PRKCE: variants seen among roughly 807,000 people sequenced by gnomAD.
The protein encoded by PRKCE is protein kinase C epsilon.
PRKCE carries 16 observed loss-of-function variants against 85.4 expected under a neutral mutation model. The observed-to-expected ratio is 0.19, with a 90% confidence interval of 0.13 to 0.28. The LOEUF (loss-of-function observed/expected upper bound fraction) is 0.28. Ranked by LOEUF, PRKCE falls within the 10% of genes least tolerant of loss-of-function variation. The probability of loss-of-function intolerance (pLI) is 1.00; values close to 1 mark genes in which losing one functional copy is unlikely to be tolerated. For synonymous variants in PRKCE, 388 were observed against 371.5 expected (o/e 1.04, Z -0.51); for missense variants, 573 against 975.2 (o/e 0.59, Z 5.49).
Position 45,814,744 on chromosome 2 carries a change from G to A in PRKCE, c.349-28256G>A, listed in dbSNP as rs150256128. On this transcript the variant is annotated intron_variant, in intron 1 of 14. Coordinates refer to ENST00000306156, the MANE Select transcript of PRKCE (RefSeq NM_005400.3). ...TGCCAAGAATATTTGGTGCAACAGA[G>A]TTGCTGACATGTCCTAGCTCTGGAC... Among the ~76,000 whole-genome samples the A allele has an allele frequency of 2.0e-3, 303 of 152,308 alleles. 4 individuals carry two copies. Among genetic ancestry groups the A allele is most frequent in the South Asian group, 9.3e-3 (45 of 4,826 alleles).
chr2:45,848,387 T>G (rs558340736), intron 2 of PRKCE, among the ~76,000 whole-genome samples: 2 of 152,334 alleles, frequency 1.3e-5, no homozygotes, highest in South Asian at 4.1e-4. Flanking sequence ...CTCGGCTTAC[T>G]GCAACCTTTG....
intron 11 of PRKCE, among the ~76,000 whole-genome samples, chr2:46,118,528 A>G (rs957839418): frequency 6.6e-6 from 1 of 152,240 alleles, no homozygotes; most frequent in African/African-American, 2.4e-5. Context: ...CAGACACAAT[A>G]TACTCTTCAT....
intron 14 of PRKCE, among the ~76,000 whole-genome samples, chr2:46,169,917 C>G (rs1678725218): frequency 6.6e-6 from 1 of 152,146 alleles, no homozygotes. Context: ...GGTGCTAGTC[C>G]CCACTGTTAC....
At position 46,041,027 on chromosome 2, in the gene PRKCE, T is replaced by A. The variant is rs1708187944; in HGVS notation, c.1437+30510T>A. 6.6e-6 allele frequency among the ~76,000 whole-genome samples: 1 copy of A among 152,224 alleles called. No individual in the cohort carries two copies. The highest frequency in any genetic ancestry group is 2.1e-4 in the South Asian group (1 of 4,824). On this transcript the variant is annotated intron_variant, in intron 10 of 14. Coordinates refer to ENST00000306156, the MANE Select transcript of PRKCE (RefSeq NM_005400.3). This position sits in a 1 kb window ranked among gnomAD's most constrained non-coding sequence, Gnocchi z 5.5. ...ATTTCCAGCATTCAAAATAAATCAT[T>A]CCGTTTGCCTGTCATATTCTGACTT...
Position 46,135,016 on chromosome 2 carries a change from C to T in PRKCE, c.1593-10077C>T, listed in dbSNP as rs1674818184. On this transcript the variant is annotated intron_variant, in intron 11 of 14. Coordinates refer to ENST00000306156, the MANE Select transcript of PRKCE (RefSeq NM_005400.3). ...TGTAGTGATTCCAAGGCTTAATGCCCAGGTACAGCCACAGGCTGTTTATTA... is the reference window on the plus strand; with the variant it reads ...TGTAGTGATTCCAAGGCTTAATGCCTAGGTACAGCCACAGGCTGTTTATTA... Among the ~76,000 whole-genome samples, 3 of 152,152 alleles carry T rather than the reference C, an allele frequency of 2.0e-5. No individual in the cohort carries two copies. The South Asian group carries it at 6.2e-4, about 32-fold the overall frequency.
Position 45,800,087 on chromosome 2 carries a change from T to C in PRKCE, c.349-42913T>C, listed in dbSNP as rs558280365. On this transcript the variant is annotated intron_variant, in intron 1 of 14. Transcript: ENST00000306156. Reference sequence around the variant, plus strand: ...TTTCCCCCTAGTTCTCTAGTTTGTATAATGCTGGGTAGATGAAAATATAGT... The same window carrying C: ...TTTCCCCCTAGTTCTCTAGTTTGTACAATGCTGGGTAGATGAAAATATAGT... Among the ~76,000 whole-genome samples, 228 of 152,298 alleles carry C rather than the reference T, an allele frequency of 1.5e-3. 3 individuals carry two copies. The highest frequency in any genetic ancestry group is 5.1e-3 in the African/African-American group (211 of 41,556).
At chr2:45,674,051 G>A (rs1281894147) in intron 1 of PRKCE, among the ~76,000 whole-genome samples, 3 of 152,198 alleles carry the variant, frequency 2.0e-5, no homozygotes, top group South Asian at 4.1e-4. Context: ...TTTTGAAGGT[G>A]TATCTCAATA....
At chr2:45,976,092 C>T (rs751237) in intron 2 of PRKCE, among the ~76,000 whole-genome samples, 48,870 of 152,000 alleles carry the variant, frequency 0.32, 8,527 homozygotes, top group Middle Eastern at 0.46. Context: ...CAGTAAGATG[C>T]GAACCTTGAG....
At chr2:45,675,319 C>T (rs757657238) in intron 1 of PRKCE, 1 of 152,266 alleles carries the variant, frequency 6.6e-6, no homozygotes, top group Non-Finnish European at 1.5e-5. Context: ...CCTTTTTCTC[C>T]AGTGAATAAA....
At chr2:45,801,044 C>A (rs1687825566) in intron 1 of PRKCE, among the ~76,000 whole-genome samples, 1 of 151,860 alleles carries the variant, frequency 6.6e-6, no homozygotes, top group Non-Finnish European at 1.5e-5. Context: ...GCATTCCAGG[C>A]AGGGGGAACA....
chr2:46,090,585 T>C (rs116743135), intron 11 of PRKCE, among the ~76,000 whole-genome samples: 2,026 of 152,314 alleles, frequency 0.013, 21 homozygotes, highest in Non-Finnish European at 0.019. Flanking sequence ...GATTGCTACC[T>C]CACAGGTATA....
intron 1 of PRKCE, among the ~76,000 whole-genome samples, chr2:45,703,321 G>T (rs1204862078): frequency 1.1e-4 from 16 of 151,946 alleles, no homozygotes; most frequent in Admixed American, 1.0e-3. Context: ...GATCACTTGA[G>T]GCCAGGAGTT....
rs776771757 is a variant in PRKCE, at chr2:45,652,174, T to A, written c.74T>A (p.Leu25Gln). The A allele has an allele frequency of 6.2e-7, 1 of 1,612,726 alleles. No individual in the cohort carries two copies. Among genetic ancestry groups the A allele is most frequent in the Non-Finnish European group, 8.5e-7 (1 of 1,179,486 alleles). Reference sequence around the variant, plus strand: ...AGCTTGAAGCCCACAGCCTGGTCGCTGCGCCATGCGGTGGGACCCCGGCCG... The same window carrying A: ...AGCTTGAAGCCCACAGCCTGGTCGCAGCGCCATGCGGTGGGACCCCGGCCG... ...AVSLKPTAWS[L>Q]RHAVGPRPQT... Residue 25 changes from leucine to glutamine, a missense_variant, in exon 1 of 15, where the codon CTG becomes CAG. This residue lies in a region of PRKCE where 100 missense variants were observed against 177.1 expected (regional missense o/e 0.56). Transcript: ENST00000306156. The surrounding 1 kb of genome is among the most constrained non-coding windows in gnomAD (Gnocchi z 7.7).
chr2:45,979,081 G>A (rs1293883831), intron 4 of PRKCE, 71 bp downstream of exon 4: 1 of 1,440,172 alleles, frequency 6.9e-7, no homozygotes, highest in African/African-American at 1.4e-5. Context: ...CCCATAGGAG[G>A]CAGGTGCTCA....
intron 11 of PRKCE, among the ~76,000 whole-genome samples, chr2:46,107,364 C>T (rs1403404335): frequency 1.3e-5 from 2 of 152,142 alleles, no homozygotes; most frequent in African/African-American, 4.8e-5. Flanking sequence ...ATATTCCGGC[C>T]GGGCACGGTG....
intron 13 of PRKCE, among the ~76,000 whole-genome samples, chr2:46,153,781 C>CTTTTTT (rs70937993): frequency 1.2e-4 from 9 of 75,946 alleles, no homozygotes; most frequent in African/African-American, 2.7e-4. Flanking sequence ...TCTTCTTCTT[C>CTTTTTT]TTTTTTTTTT....
chr2:46,160,289 T>TGCCGCACTCTCCCTTCTGC (rs1677629419), intron 14 of PRKCE, among the ~76,000 whole-genome samples: 2 of 152,188 alleles, frequency 1.3e-5, no homozygotes, highest in African/African-American at 2.4e-5. Context: ...CTCCCTTCTC[T>TGCCGCACTCTCCCTTCTGC]GCCGCACTCT....
At chr2:45,979,275 G>A (rs1011758253) in intron 4 of PRKCE, among the ~76,000 whole-genome samples, 2 of 152,162 alleles carry the variant, frequency 1.3e-5, no homozygotes, top group African/African-American at 2.4e-5. Flanking sequence ...TGGAGCAGGT[G>A]GCACTTTCAT....
At chr2:46,095,442 G>A (rs187725452) in intron 11 of PRKCE, among the ~76,000 whole-genome samples, 9 of 152,304 alleles carry the variant, frequency 5.9e-5, no homozygotes, top group Admixed American at 5.2e-4. Flanking sequence ...CTTCTCCAGA[G>A]AATAAACCTC....
Sources: allele counts gnomAD v4.1 joint callset (sites outside exome capture counted in the v4.1 genomes callset), GRCh38; gene constraint gnomAD v4.1.1; regional missense constraint gnomAD v4.1.1; non-coding constraint Gnocchi (gnomAD v3.1); transcripts MANE v1.5; gene names NCBI Gene and HGNC (gene_info 2026-07-23, HGNC 2026-07-21).